Variants in KCNIP4 observed in about 807,000 individuals in gnomAD.
The protein encoded by KCNIP4 is Kv channel-interacting protein 4.
A neutral mutation model predicts 34.0 loss-of-function variants in KCNIP4; 12 were observed. That is an observed-to-expected ratio of 0.35 (90% confidence interval 0.23 to 0.57). KCNIP4 has a LOEUF of 0.57. Among genes scored for constraint, KCNIP4 ranks in the 20% least tolerant of loss-of-function variants. KCNIP4 has a pLI of 0.83. For missense variants in KCNIP4, 238 were observed against 311.7 expected, an observed-to-expected ratio of 0.76 and a Z score of 1.78; for synonymous variants, 124 against 102.2, an observed-to-expected ratio of 1.21 and a Z score of -1.29.
In KCNIP4 at chr4:20,850,680, A is replaced by C. The variant is rs755432103; in HGVS notation, c.164-13T>G. The C allele has an allele frequency of 6.2e-7, 1 of 1,610,438 alleles. No individual in the cohort carries two copies. Among genetic ancestry groups the C allele is most frequent in the Non-Finnish European group, 8.5e-7 (1 of 1,178,950 alleles). On this transcript the variant is annotated splice_polypyrimidine_tract_variant and intron_variant, in intron 2 of 8. Coordinates refer to ENST00000382152, the MANE Select transcript of KCNIP4 (RefSeq NM_025221.6). Reference sequence around the variant, plus strand: ...TCTTCCACGCTGTCTGTGGAGGAAAACAAGAAAGAGTCTTAGGACCAGCCA... The same window carrying C: ...TCTTCCACGCTGTCTGTGGAGGAAACCAAGAAAGAGTCTTAGGACCAGCCA...
At position 21,312,254 on chromosome 4, in the gene KCNIP4, G is replaced by A. The variant is rs553673169; in HGVS notation, c.62-429545C>T. ...GCAAGAGAGAACAGAGAACTAAGCT[G>A]TTATACATATGTATTGACTCGTGGT... On this transcript the variant is annotated intron_variant, in intron 1 of 8. Transcript: ENST00000382152. 1.7e-3 allele frequency among the ~76,000 whole-genome samples: 254 copies of A among 152,290 alleles called. 3 individuals carry two copies. Among genetic ancestry groups the A allele is most frequent in the Non-Finnish European group, 2.5e-3 (168 of 68,022 alleles).
chr4:20,728,607 A>G lies in KCNIP4; in HGVS notation c.*1475T>C, dbSNP rs898407546. The G allele has an allele frequency of 1.3e-5, 2 of 152,622 alleles. No individual in the cohort carries two copies. The highest frequency in any genetic ancestry group is 4.8e-5 in the African/African-American group (2 of 41,460). 9.5% of individuals were successfully genotyped at this position (152,622 alleles called of 1,614,324 possible). A position where few individuals can be genotyped will look rare whatever the true frequency, so the allele number is the denominator to read the frequency against. On this transcript the variant is annotated 3_prime_UTR_variant, in exon 9 of 9. Transcript: ENST00000382152. ...GGAAAAGACCTGTAACATAGACAGTAGAGTTATAAACATTTTATTTTGCTT... is the reference window on the plus strand; with the variant it reads ...GGAAAAGACCTGTAACATAGACAGTGGAGTTATAAACATTTTATTTTGCTT...
chr4:21,124,023 G>T (rs1750391499), intron 1 of KCNIP4, among the ~76,000 whole-genome samples: 1 of 140,976 alleles, frequency 7.1e-6, no homozygotes, highest in Non-Finnish European at 1.5e-5. Context: ...AACATATTTT[G>T]TAAAAAAACA....
chr4:21,623,277 A>G (rs1745106906), intron 1 of KCNIP4, among the ~76,000 whole-genome samples: 1 of 152,198 alleles, frequency 6.6e-6, no homozygotes, highest in African/African-American at 2.4e-5. Context: ...TTATGAATTT[A>G]CCAGCTAGTG....
At chr4:21,662,757 GGTACTGGACAC>G in intron 1 of KCNIP4, among the ~76,000 whole-genome samples, 1 of 152,092 alleles carries the variant, frequency 6.6e-6, no homozygotes, top group Admixed American at 6.5e-5. Context: ...GATTCAGGCT[GGTACTGGACAC>G]ATAAATATTG....
intron 1 of KCNIP4, among the ~76,000 whole-genome samples, chr4:21,059,343 T>A (rs917649098): frequency 2.6e-5 from 4 of 152,190 alleles, no homozygotes; most frequent in African/African-American, 9.6e-5. Context: ...GAACCCAATC[T>A]GGTTCATTAG....
chr4:21,632,366 A>G (rs1476689021), intron 1 of KCNIP4, among the ~76,000 whole-genome samples: 1 of 150,568 alleles, frequency 6.6e-6, no homozygotes, highest in East Asian at 2.0e-4. Flanking sequence ...GGTGCGAGCC[A>G]CCATGCCTGG....
intron 3 of KCNIP4, among the ~76,000 whole-genome samples, chr4:20,805,196 T>C (rs1434817820): frequency 8.3e-5 from 12 of 144,328 alleles, no homozygotes; most frequent in East Asian, 6.2e-4. Context: ...CTTTTTTTTT[T>C]TTTTTTTTTT....
intron 1 of KCNIP4, chr4:21,697,691 T>C (rs930897274): frequency 3.9e-5 from 49 of 1,249,082 alleles, no homozygotes; most frequent in South Asian, 2.0e-4. Context: ...ACCAAGTTCT[T>C]CTGTGGCAAC....
chr4:21,443,512 C>A (rs992982350), intron 1 of KCNIP4, among the ~76,000 whole-genome samples: 1 of 152,168 alleles, frequency 6.6e-6, no homozygotes, highest in Non-Finnish European at 1.5e-5. Flanking sequence ...AAGCAGATAA[C>A]ATGGGTCGAC....
chr4:20,753,823 G>A (rs899231280), intron 4 of KCNIP4, among the ~76,000 whole-genome samples: 4 of 152,110 alleles, frequency 2.6e-5, no homozygotes, highest in African/African-American at 9.7e-5. Flanking sequence ...TATGTCTACA[G>A]AACTCATCTG....
Position 20,896,763 on chromosome 4 carries a change from AAAGT to A in KCNIP4, c.62-14058_62-14055del, listed in dbSNP as rs533239023. On this transcript the variant is annotated intron_variant, in intron 1 of 8. Transcript: ENST00000382152. ...GGAAATTTGTTACAGCAGCTCTAGA[AAAGT>A]AATACACACATCAGTTAACAGATTT... Among the ~76,000 whole-genome samples the A allele has an allele frequency of 1.9e-3, 282 of 152,304 alleles. 1 individual carries two copies. The highest frequency in any genetic ancestry group is 6.5e-3 in the African/African-American group (272 of 41,554).
intron 1 of KCNIP4, among the ~76,000 whole-genome samples, chr4:21,187,716 T>TC (rs1755344976): frequency 6.6e-6 from 1 of 151,776 alleles, no homozygotes; most frequent in Non-Finnish European, 1.5e-5. Flanking sequence ...ATTTTTTTTT[T>TC]CTGCAGGTAT....
intron 1 of KCNIP4, among the ~76,000 whole-genome samples, chr4:21,135,679 G>A (rs1051922096): frequency 2.6e-5 from 4 of 152,198 alleles, no homozygotes; most frequent in African/African-American, 9.6e-5. Flanking sequence ...ATGGGTAGTA[G>A]TTTTTGATTA....
At chr4:21,048,169 T>C (rs1042147302) in intron 1 of KCNIP4, among the ~76,000 whole-genome samples, 1 of 152,354 alleles carries the variant, frequency 6.6e-6, no homozygotes, top group East Asian at 1.9e-4. Flanking sequence ...CATTATTCTG[T>C]GGAAATAAAC....
chr4:21,154,041 A>G (rs1752962409), intron 1 of KCNIP4, among the ~76,000 whole-genome samples: 1 of 152,212 alleles, frequency 6.6e-6, no homozygotes, highest in South Asian at 2.1e-4. Context: ...GTACAAAAAA[A>G]AGAAATTATC....
At chr4:20,834,337 A>G (rs905112875) in intron 3 of KCNIP4, among the ~76,000 whole-genome samples, 2 of 152,196 alleles carry the variant, frequency 1.3e-5, no homozygotes, top group African/African-American at 4.8e-5. Flanking sequence ...AGAAGCAACT[A>G]TGTGCCAGGA....
At chr4:20,954,920 T>A (rs1237059467) in intron 1 of KCNIP4, among the ~76,000 whole-genome samples, 2 of 152,176 alleles carry the variant, frequency 1.3e-5, no homozygotes, top group African/African-American at 4.8e-5. Context: ...TTTTTCAACC[T>A]CCGTCTTCAG....
intron 1 of KCNIP4, among the ~76,000 whole-genome samples, chr4:21,068,299 TGA>T (rs890934961): frequency 5.3e-5 from 8 of 152,230 alleles, no homozygotes; most frequent in Admixed American, 5.2e-4. Context: ...CCATGAATCC[TGA>T]GTGTTTACCT....
Sources: gnomAD v4.1 joint callset for allele counts (sites outside exome capture counted in the v4.1 genomes callset) on GRCh38, gnomAD v4.1.1 for gene constraint, MANE v1.5 for transcripts, NCBI Gene and HGNC (gene_info 2026-07-23, HGNC 2026-07-21) for gene names.